The following CNBD1 variants were observed in gnomAD, a reference collection of about 807,000 sequenced individuals.
CNBD1 encodes cyclic nucleotide-binding domain-containing protein 1.
Under a neutral mutation model 54.4 loss-of-function variants are expected in CNBD1, and 71 were observed. The ratio of observed to expected loss-of-function variants is 1.30; its 90% CI spans 1.08 to 1.59. The LOEUF is 1.59. Ranked by LOEUF, CNBD1 falls within the 40% of genes most tolerant of loss-of-function variation. The pLI is 0.00. For missense variants in CNBD1, 659 were observed against 518.0 expected, an observed-to-expected ratio of 1.27 and a Z score of -2.64; for synonymous variants, 182 against 170.7, an observed-to-expected ratio of 1.07 and a Z score of -0.51.
chr8:87,098,022 C>T (rs921322201), intron 4 of CNBD1, among the ~76,000 whole-genome samples: 1 of 152,204 alleles, frequency 6.6e-6, no homozygotes, highest in African/African-American at 2.4e-5. Context: ...AAAAAACACT[C>T]ATTTTGTCAA....
chr8:87,400,890 A>T (rs1807552410), intron 2 of CNBD1, among the ~76,000 whole-genome samples: 1 of 151,934 alleles, frequency 6.6e-6, no homozygotes, highest in Non-Finnish European at 1.5e-5. Context: ...AGCCCCTGAA[A>T]TTCTTATTTA....
At chr8:87,393,238 G>A (rs1245921576) in intron 2 of CNBD1, among the ~76,000 whole-genome samples, 1 of 151,832 alleles carries the variant, frequency 6.6e-6, no homozygotes, top group African/African-American at 2.4e-5. Context: ...AGGAGAAAGC[G>A]AGAGAAATAA....
At chr8:87,236,008 C>A (rs1283828030) in intron 5 of CNBD1, among the ~76,000 whole-genome samples, 1 of 151,934 alleles carries the variant, frequency 6.6e-6, no homozygotes, top group African/African-American at 2.4e-5. Context: ...CACTAATAAG[C>A]ACTCAGAAAA....
At chr8:87,023,878 T>C (rs967797891) in intron 4 of CNBD1, among the ~76,000 whole-genome samples, 14 of 152,208 alleles carry the variant, frequency 9.2e-5, no homozygotes, top group Non-Finnish European at 1.5e-4. Flanking sequence ...AAATGCAGTT[T>C]AGCTTCAAAT....
chr8:87,209,794 A>C (rs1814053793), intron 5 of CNBD1, among the ~76,000 whole-genome samples: 1 of 152,210 alleles, frequency 6.6e-6, no homozygotes, highest in Non-Finnish European at 1.5e-5. Context: ...TGATTATAAT[A>C]AAAACACAAG....
intron 8 of CNBD1, among the ~76,000 whole-genome samples, chr8:87,329,750 A>G (rs899073745): frequency 6.6e-6 from 1 of 151,982 alleles, no homozygotes; most frequent in Non-Finnish European, 1.5e-5. Flanking sequence ...TTAACCTTGT[A>G]TCCGCAACCC....
In CNBD1 at chr8:87,137,984, T is replaced by C. The variant is rs553414485; in HGVS notation, c.432-68009T>C. Among the ~76,000 whole-genome samples the C allele has an allele frequency of 2.6e-5, 4 of 152,280 alleles. No homozygotes were observed. In the South Asian group the frequency reaches 8.3e-4, roughly 32 times the overall value. ...GGGGGAAAAAAGGAGAAGCATAATC[T>C]TTATTATATTTCAAATTTAACCTCA... On this transcript the variant is annotated intron_variant, in intron 4 of 10. Coordinates refer to ENST00000518476, the MANE Select transcript of CNBD1 (RefSeq NM_173538.3).
At position 87,426,285 on chromosome 8, in the gene CNBD1, C is replaced by T. The variant is rs1436635059; in HGVS notation, c.214-2261C>T. On this transcript the variant is annotated intron_variant, in intron 2 of 7. Transcript: ENST00000521593. ...TGCAGAAATCACCCGTCTTCTGCGT[C>T]GCTCAGGCTGGGAGCTGTAGACCGG... Among the ~76,000 whole-genome samples, 8 of 152,208 alleles carry T rather than the reference C, an allele frequency of 5.3e-5. No individual in the cohort carries two copies. In the East Asian group the frequency reaches 5.8e-4, roughly 11 times the overall value.
intron 5 of CNBD1, among the ~76,000 whole-genome samples, chr8:87,211,201 T>A (rs1814090555): frequency 6.6e-6 from 1 of 152,214 alleles, no homozygotes; most frequent in African/African-American, 2.4e-5. Context: ...CCTTTTGGAA[T>A]GGGAATGTTT....
chr8:87,283,862 A>G (rs1808643749), intron 6 of CNBD1, among the ~76,000 whole-genome samples: 1 of 152,032 alleles, frequency 6.6e-6, no homozygotes, highest in Non-Finnish European at 1.5e-5. Context: ...GTTTGATAGG[A>G]CTGTGGCTCA....
intron 2 of CNBD1, among the ~76,000 whole-genome samples, chr8:86,895,130 C>T (rs1808830650): frequency 6.6e-6 from 1 of 152,154 alleles, no homozygotes; most frequent in Non-Finnish European, 1.5e-5. Flanking sequence ...CCCCACCTTA[C>T]AACACTGTGG....
chr8:87,349,727 G>A (rs1225786557), intron 8 of CNBD1, among the ~76,000 whole-genome samples: 1 of 152,176 alleles, frequency 6.6e-6, no homozygotes, highest in Non-Finnish European at 1.5e-5. Flanking sequence ...CCTAGGTCAG[G>A]AGGGTTTTGC....
intron 8 of CNBD1, among the ~76,000 whole-genome samples, chr8:87,312,132 T>G (rs977299969): frequency 2.6e-5 from 4 of 152,064 alleles, no homozygotes; most frequent in Admixed American, 2.0e-4. Context: ...AATCTCTAAT[T>G]TAGGCATTTT....
intron 6 of CNBD1, among the ~76,000 whole-genome samples, chr8:87,269,454 G>GA (rs1386633338): frequency 2.6e-5 from 4 of 152,018 alleles, no homozygotes; most frequent in Admixed American, 6.6e-5. Context: ...CTAATTCTGT[G>GA]AAAAAATGAT....
chr8:87,100,474 T>TTTTG (rs138217426), intron 4 of CNBD1, among the ~76,000 whole-genome samples: 21 of 151,928 alleles, frequency 1.4e-4, no homozygotes, highest in African/African-American at 5.1e-4. Context: ...AAAGCCAAGG[T>TTTTG]TTTGTTTGTT....
chr8:87,092,647 C>T (rs1331551651), intron 4 of CNBD1, among the ~76,000 whole-genome samples: 1 of 151,526 alleles, frequency 6.6e-6, no homozygotes, highest in Admixed American at 6.6e-5. Flanking sequence ...GGCTCCTCTT[C>T]CTGTATCTGA....
intron 8 of CNBD1, among the ~76,000 whole-genome samples, chr8:87,350,510 G>T (rs776347028): frequency 2.0e-5 from 3 of 151,504 alleles, no homozygotes; most frequent in African/African-American, 7.3e-5. Flanking sequence ...AATTGTTACC[G>T]TGTTATTTTA....
intron 6 of CNBD1, among the ~76,000 whole-genome samples, chr8:87,259,148 T>A (rs1278639026): frequency 6.6e-6 from 1 of 152,204 alleles, no homozygotes; most frequent in East Asian, 1.9e-4. Context: ...CTTTTATAAA[T>A]CCTTTCACAA....
intron 6 of CNBD1, among the ~76,000 whole-genome samples, chr8:87,270,981 C>T (rs921182491): frequency 6.6e-6 from 1 of 151,584 alleles, no homozygotes; most frequent in Non-Finnish European, 1.5e-5. Flanking sequence ...TTTTCTATTT[C>T]TTCATGGTTC....
Sources: allele counts gnomAD v4.1 joint callset (sites outside exome capture counted in the v4.1 genomes callset), GRCh38; gene constraint gnomAD v4.1.1; transcripts MANE v1.5; gene names NCBI Gene and HGNC (gene_info 2026-07-23, HGNC 2026-07-21).